The following LURAP1L variants were observed in gnomAD, a reference collection of about 807,000 sequenced individuals.
LURAP1L encodes leucine rich adaptor protein 1 like, also known as leucine rich adaptor protein 1-like.
In LURAP1L, 12 loss-of-function variants were observed where a neutral mutation model predicts 13.8. The observed-to-expected ratio is 0.87, with a 90% CI of 0.56 to 1.41. The LOEUF (loss-of-function observed/expected upper bound fraction) is 1.41, where lower values mean the gene tolerates loss of function less well. LURAP1L is among the 40% of genes most tolerant of loss of function. The pLI, the probability that LURAP1L is intolerant of heterozygous loss-of-function variation, is 0.00. For missense variants in LURAP1L, 375 were observed against 292.9 expected, an observed-to-expected ratio of 1.28 and a Z score of -2.04; for synonymous variants, 139 against 119.2, an observed-to-expected ratio of 1.17 and a Z score of -1.08.
At chr9:12,795,093 T>A (rs112352546) in intron 1 of LURAP1L, among the ~76,000 whole-genome samples, 1 of 151,932 alleles carries the variant, frequency 6.6e-6, no homozygotes, top group African/African-American at 2.4e-5. Flanking sequence ...AGCTGGTCAA[T>A]TGCTTATCAA....
chr9:12,789,198 C>T (rs1047445816), intron 1 of LURAP1L, among the ~76,000 whole-genome samples: 7 of 151,780 alleles, frequency 4.6e-5, no homozygotes, highest in African/African-American at 1.5e-4. Flanking sequence ...GGAACCACAA[C>T]TCTGTGTTTT....
rs747476601 is a variant in LURAP1L, at chr9:12,820,499, TCCCCC to T, written c.313-876_313-872del. 2.7e-4 allele frequency among the ~76,000 whole-genome samples: 4 copies of T among 14,696 alleles called. 1 individual carries two copies. The highest frequency in any genetic ancestry group is 2.9e-3 in the Admixed American group (2 of 688). The allele number at this position is 14,696 out of a possible 152,430, so 9.6% of individuals were successfully genotyped here. On this transcript the variant is annotated intron_variant, in intron 1 of 1. Coordinates refer to ENST00000319264, the MANE Select transcript of LURAP1L (RefSeq NM_203403.2). ...GCCTGGACGACAGATCGAGACTCCG[TCCCCC>T]CCCCCCCCCCAAAAAAAAAAAAGGA...
chr9:12,808,682 AT>A, intron 1 of LURAP1L, among the ~76,000 whole-genome samples: 1 of 152,238 alleles, frequency 6.6e-6, no homozygotes, highest in East Asian at 1.9e-4. Flanking sequence ...CGAATATAAT[AT>A]GCCTAGATAT....
chr9:12,807,272 T>G (rs1340656603), intron 1 of LURAP1L, among the ~76,000 whole-genome samples: 2 of 149,080 alleles, frequency 1.3e-5, no homozygotes, highest in Non-Finnish European at 2.9e-5. Context: ...TCTCAAAAAC[T>G]AACTAACTGA....
At chr9:12,778,077 G>A (rs1290062864) in intron 1 of LURAP1L, among the ~76,000 whole-genome samples, 3 of 152,096 alleles carry the variant, frequency 2.0e-5, no homozygotes, top group African/African-American at 7.2e-5. Context: ...CTGATAATTT[G>A]TCGCATTTGT....
chr9:12,780,242 C>A (rs1368508075), intron 1 of LURAP1L, among the ~76,000 whole-genome samples: 3 of 152,208 alleles, frequency 2.0e-5, no homozygotes, highest in Non-Finnish European at 4.4e-5. Flanking sequence ...CCAACAGGAA[C>A]TCAGTTATCC....
chr9:12,775,647 A>G lies in LURAP1L; in HGVS notation c.-69A>G. On this transcript the variant is annotated 5_prime_UTR_variant, in exon 1 of 2. Coordinates refer to ENST00000319264, the MANE Select transcript of LURAP1L (RefSeq NM_203403.2). Reference sequence around the variant, plus strand: ...CGGAGAGGTCTGCTGATTTCGCAGCAGCCTTCGAAGCCGTGGCTGCCTTTC... The same window carrying G: ...CGGAGAGGTCTGCTGATTTCGCAGCGGCCTTCGAAGCCGTGGCTGCCTTTC... 3.3e-6 allele frequency: 5 copies of G among 1,513,056 alleles called. No individual in the cohort carries two copies. Among genetic ancestry groups the G allele is most frequent in the Non-Finnish European group, 3.5e-6 (4 of 1,134,460 alleles). The allele number at this position is 1,513,056 out of a possible 1,614,324, so 93.7% of individuals were successfully genotyped here.
intron 1 of LURAP1L, among the ~76,000 whole-genome samples, chr9:12,803,839 A>G (rs1819619914): frequency 6.6e-6 from 1 of 152,234 alleles, no homozygotes; most frequent in South Asian, 2.1e-4. Flanking sequence ...TTAGTCATTG[A>G]TATCCTGTGG....
At chr9:12,818,623 AG>A (rs1221748782) in intron 1 of LURAP1L, among the ~76,000 whole-genome samples, 1 of 152,234 alleles carries the variant, frequency 6.6e-6, no homozygotes, top group African/African-American at 2.4e-5. Context: ...GCAGGCCAGC[AG>A]AGGAGGCTGG....
intron 1 of LURAP1L, among the ~76,000 whole-genome samples, chr9:12,812,149 A>G (rs10960805): frequency 0.13 from 19,520 of 152,138 alleles, 1,439 homozygotes; most frequent in East Asian, 0.31. Flanking sequence ...CATTTTTGCC[A>G]TAGTCTATTA....
At chr9:12,797,386 A>C (rs927476459) in intron 1 of LURAP1L, among the ~76,000 whole-genome samples, 10 of 152,066 alleles carry the variant, frequency 6.6e-5, no homozygotes, top group African/African-American at 1.9e-4. Flanking sequence ...CACACACAAA[A>C]TGTTAGGAGG....
chr9:12,817,387 A>C (rs1000491975), intron 1 of LURAP1L, among the ~76,000 whole-genome samples: 1 of 152,224 alleles, frequency 6.6e-6, no homozygotes, highest in Non-Finnish European at 1.5e-5. Context: ...GGTGACCAGG[A>C]AAGATCAAGA....
rs541256114 is a variant in LURAP1L at position 12,816,689 on chromosome 9, T to C, written c.313-4697T>C. Reference sequence around the variant, plus strand: ...ATTTCAAGTTCTACCATAGACTCAGTTCATCACCTGTCAAAAAAATGACAT... The same window carrying C: ...ATTTCAAGTTCTACCATAGACTCAGCTCATCACCTGTCAAAAAAATGACAT... On this transcript the variant is annotated intron_variant, in intron 1 of 1. Transcript: ENST00000319264. 2.8e-4 allele frequency among the ~76,000 whole-genome samples: 43 copies of C among 152,330 alleles called. No homozygotes were observed. In the South Asian group the frequency reaches 3.1e-3, roughly 11 times the overall value.
At chr9:12,811,247 A>T (rs1819731909) in intron 1 of LURAP1L, among the ~76,000 whole-genome samples, 2 of 152,220 alleles carry the variant, frequency 1.3e-5, no homozygotes, top group African/African-American at 2.4e-5. Context: ...CAGTTTAGTT[A>T]ATCTCGCTGC....
chr9:12,787,605 G>A (rs1819375372), intron 1 of LURAP1L, among the ~76,000 whole-genome samples: 1 of 152,110 alleles, frequency 6.6e-6, no homozygotes, highest in African/African-American at 2.4e-5. Flanking sequence ...ACCTTTGGTT[G>A]AACTTCTTCA....
intron 1 of LURAP1L, among the ~76,000 whole-genome samples, chr9:12,776,290 C>T (rs1248847838): frequency 6.6e-6 from 1 of 152,114 alleles, no homozygotes; most frequent in African/African-American, 2.4e-5. Context: ...TTTCGGACAA[C>T]GCGACTCACT....
At chr9:12,810,292 C>G (rs2118534300) in intron 1 of LURAP1L, among the ~76,000 whole-genome samples, 1 of 152,258 alleles carries the variant, frequency 6.6e-6, no homozygotes, top group East Asian at 1.9e-4. Flanking sequence ...CAGCAATTCA[C>G]CAATGACAGT....
chr9:12,804,735 A>C (rs2118521840), intron 1 of LURAP1L, among the ~76,000 whole-genome samples: 1 of 152,328 alleles, frequency 6.6e-6, no homozygotes, highest in South Asian at 2.1e-4. Context: ...TATTTGGCTC[A>C]ATGAAGGAAA....
At chr9:12,817,007 C>T (rs771018889) in intron 1 of LURAP1L, among the ~76,000 whole-genome samples, 2 of 152,144 alleles carry the variant, frequency 1.3e-5, no homozygotes, top group African/African-American at 4.8e-5. Context: ...GTGCTAGTAT[C>T]GGTTATCACC....
Sources: gnomAD v4.1 joint callset for allele counts (sites outside exome capture counted in the v4.1 genomes callset) on GRCh38, gnomAD v4.1.1 for gene constraint, MANE v1.5 for transcripts, NCBI Gene and HGNC (gene_info 2026-07-23, HGNC 2026-07-21) for gene names.